Variants in SHC4 observed in about 807,000 individuals in gnomAD.
SHC4 encodes the protein SHC-transforming protein 4.
A neutral mutation model predicts 69.4 loss-of-function variants in SHC4; 41 were observed. That is an observed-to-expected ratio of 0.59 (90% CI 0.46 to 0.77). The LOEUF is 0.77. Among genes scored for constraint, SHC4 ranks in the 30% least tolerant of loss-of-function variants. SHC4 has a pLI of 0.00. For missense variants in SHC4, 777 were observed against 783.8 expected (o/e 0.99, Z 0.10); for synonymous variants, 318 against 299.3 (o/e 1.06, Z -0.64).
At chr15:48,838,069 G>T (rs1324157606) in intron 10 of SHC4, among the ~76,000 whole-genome samples, 1 of 152,060 alleles carries the variant, frequency 6.6e-6, no homozygotes, top group Non-Finnish European at 1.5e-5. Context: ...ATCAATAAGG[G>T]ACTGACTACA....
intron 11 of SHC4, among the ~76,000 whole-genome samples, chr15:48,828,348 T>G (rs1181126577): frequency 6.6e-6 from 1 of 152,158 alleles, no homozygotes; most frequent in Non-Finnish European, 1.5e-5. Flanking sequence ...TTTTCTATGG[T>G]TGTTCTATGG....
intron 2 of SHC4, among the ~76,000 whole-genome samples, chr15:48,901,339 A>T (rs1415176790): frequency 1.3e-5 from 2 of 152,122 alleles, no homozygotes; most frequent in African/African-American, 4.8e-5. Context: ...TTTTGCAAGG[A>T]TTGTTTATAC....
chr15:48,952,776 G>A (rs1595768764), intron 1 of SHC4, among the ~76,000 whole-genome samples: 1 of 152,166 alleles, frequency 6.6e-6, no homozygotes, highest in Non-Finnish European at 1.5e-5. Context: ...AACAGATGCT[G>A]GTGAGATTGT....
chr15:48,881,212 G>C (rs1899939040), intron 4 of SHC4, among the ~76,000 whole-genome samples: 1 of 152,018 alleles, frequency 6.6e-6, no homozygotes, highest in Non-Finnish European at 1.5e-5. Context: ...GATCTATTTT[G>C]TTTGGTTCAT....
intron 6 of SHC4, among the ~76,000 whole-genome samples, chr15:48,865,352 T>C (rs989562601): frequency 6.6e-6 from 1 of 152,124 alleles, no homozygotes; most frequent in Non-Finnish European, 1.5e-5. Context: ...CCAAGCTATA[T>C]GAGAAAGAAC....
chr15:48,897,539 C>A (rs1010728353), intron 2 of SHC4, among the ~76,000 whole-genome samples: 1 of 146,354 alleles, frequency 6.8e-6, no homozygotes, highest in Non-Finnish European at 1.5e-5. Context: ...CACACGCACA[C>A]ACTTTTTTTT....
intron 2 of SHC4, among the ~76,000 whole-genome samples, chr15:48,922,660 T>C (rs1342776086): frequency 1.3e-5 from 2 of 152,208 alleles, no homozygotes; most frequent in Non-Finnish European, 2.9e-5. Flanking sequence ...TTTCAATACA[T>C]AAATGTTGAG....
intron 9 of SHC4, 103 bp downstream of exon 9, chr15:48,851,085 T>C: frequency 1.9e-6 from 2 of 1,071,264 alleles, no homozygotes; most frequent in South Asian, 2.9e-5. Context: ...TAGTGGTAGA[T>C]ACCTGACTTT....
chr15:48,856,594 G>C (rs1178096304), intron 7 of SHC4, among the ~76,000 whole-genome samples: 1 of 151,936 alleles, frequency 6.6e-6, no homozygotes, highest in Non-Finnish European at 1.5e-5. Flanking sequence ...AGAGAGCTAT[G>C]GCCAGCTATC....
At chr15:48,858,984 A>G (rs897693432) in intron 6 of SHC4, among the ~76,000 whole-genome samples, 1 of 152,202 alleles carries the variant, frequency 6.6e-6, no homozygotes, top group African/African-American at 2.4e-5. Flanking sequence ...CATTTTGAAA[A>G]CAAACCTGGA....
intron 2 of SHC4, among the ~76,000 whole-genome samples, chr15:48,902,339 A>T (rs1900332504): frequency 6.6e-6 from 1 of 152,168 alleles, no homozygotes; most frequent in African/African-American, 2.4e-5. Context: ...TATCATGTGT[A>T]TAGTAACGGA....
chr15:48,949,387 A>T (rs935758448), intron 1 of SHC4, among the ~76,000 whole-genome samples: 3 of 151,422 alleles, frequency 2.0e-5, no homozygotes, highest in Non-Finnish European at 4.4e-5. Flanking sequence ...AAAAAAAAAA[A>T]CCTTAGGGAG....
chr15:48,864,572 C>T (rs935319997), intron 6 of SHC4, among the ~76,000 whole-genome samples: 1 of 150,328 alleles, frequency 6.7e-6, no homozygotes, highest in Non-Finnish European at 1.5e-5. Context: ...CTCAGCCTCC[C>T]GAGTAGCTGG....
At chr15:48,884,581 G>C (rs1900000801) in intron 3 of SHC4, among the ~76,000 whole-genome samples, 1 of 151,886 alleles carries the variant, frequency 6.6e-6, no homozygotes, top group Non-Finnish European at 1.5e-5. Flanking sequence ...TGAAATTTAG[G>C]CCCTCAGAAC....
chr15:48,856,076 T>C lies in SHC4; in HGVS notation c.1119A>G (p.Glu373=), dbSNP rs551044189. Residue 373 remains glutamate (E), a synonymous_variant, in exon 8 of 12, where the codon GAA becomes GAG. Coordinates refer to ENST00000332408, the MANE Select transcript of SHC4 (RefSeq NM_203349.4). ...GCTTCCCTGGAATTTCATTGTAATATTCATGATCTTCTCTCTCCTCGGCAT... is the reference window on the plus strand; with the variant it reads ...GCTTCCCTGGAATTTCATTGTAATACTCATGATCTTCTCTCTCCTCGGCAT... The part of the protein sequence containing the change: ...DSHAEEREDH[E]YYNEIPGKQP... The C allele has an allele frequency of 1.1e-4, 173 of 1,613,844 alleles. No individual in the cohort carries two copies. In the South Asian group the frequency reaches 1.8e-3, roughly 17 times the overall value.
chr15:48,827,090 G>A (rs973356279), intron 11 of SHC4, among the ~76,000 whole-genome samples: 1 of 152,124 alleles, frequency 6.6e-6, no homozygotes, highest in African/African-American at 2.4e-5. Flanking sequence ...GGTTATACAA[G>A]TGCTCCTGTT....
intron 2 of SHC4, among the ~76,000 whole-genome samples, chr15:48,904,111 C>A (rs1900363479): frequency 2.0e-5 from 3 of 152,048 alleles, no homozygotes; most frequent in Non-Finnish European, 4.4e-5. Flanking sequence ...CATCTTAAAC[C>A]CAGGATTAAA....
At chr15:48,878,242 G>T (rs1899860448) in intron 4 of SHC4, 1 of 1,610,490 alleles carries the variant, frequency 6.2e-7, no homozygotes, top group African/African-American at 1.3e-5. Context: ...TGGATGTGAT[G>T]CCTGGCGAGG....
intron 9 of SHC4, among the ~76,000 whole-genome samples, chr15:48,845,947 T>G (rs181099537): frequency 6.6e-6 from 1 of 152,222 alleles, no homozygotes; most frequent in African/African-American, 2.4e-5. Flanking sequence ...TGCCTGCTCA[T>G]AAAAATTTAC....
Sources: allele counts gnomAD v4.1 joint callset (sites outside exome capture counted in the v4.1 genomes callset), GRCh38; gene constraint gnomAD v4.1.1; transcripts MANE v1.5; gene names NCBI Gene and HGNC (gene_info 2026-07-23, HGNC 2026-07-21).